Variants in ST3GAL1 observed in about 807,000 individuals in gnomAD.
ST3GAL1 encodes CMP-N-acetylneuraminate-beta-galactosamide-alpha-2,3-sialyltransferase 1.
A neutral mutation model predicts 34.1 loss-of-function variants in ST3GAL1; 16 were observed. That is an observed-to-expected ratio of 0.47 (90% CI 0.32 to 0.71). The LOEUF is 0.71. Ranked by LOEUF, ST3GAL1 falls within the 30% of genes least tolerant of loss-of-function variation. ST3GAL1 has a pLI of 0.04. For missense variants in ST3GAL1, 353 were observed against 447.4 expected (o/e 0.79, Z 1.90); for synonymous variants, 191 against 184.7 (o/e 1.03, Z -0.28).
chr8:133,549,553 A>AAC (rs1469681686), intron 1 of ST3GAL1, among the ~76,000 whole-genome samples: 1 of 152,228 alleles, frequency 6.6e-6, no homozygotes, highest in Non-Finnish European at 1.5e-5. Flanking sequence ...AGCAACGCAT[A>AAC]ACATCTTGAA....
chr8:133,501,188 C>T (rs943852426), intron 2 of ST3GAL1, among the ~76,000 whole-genome samples: 1 of 152,140 alleles, frequency 6.6e-6, no homozygotes, highest in Admixed American at 6.5e-5. Flanking sequence ...TTCAGTGTTG[C>T]CATGGAATCC....
intron 1 of ST3GAL1, among the ~76,000 whole-genome samples, chr8:133,563,254 A>T (rs2131112648): frequency 6.6e-6 from 1 of 152,298 alleles, no homozygotes; most frequent in Non-Finnish European, 1.5e-5. Context: ...ACTTTCCAAA[A>T]GTCACTTGTA....
chr8:133,464,730 C>CCA, intron 7 of ST3GAL1, 48 bp downstream of exon 7: 1 of 1,559,490 alleles, frequency 6.4e-7, no homozygotes, highest in Non-Finnish European at 8.7e-7. Flanking sequence ...GGACAGGGTG[C>CCA]CACTGCAAGG....
intron 1 of ST3GAL1, among the ~76,000 whole-genome samples, chr8:133,562,799 TTCCTTCCTTCC>T (rs1819273761): frequency 8.7e-5 from 1 of 11,516 alleles, no homozygotes; most frequent in Non-Finnish European, 3.5e-4. Context: ...CTTTCTTTCC[TTCCTTCCTTCC>T]TTCCTTCCTT....
rs539099879 is a variant in ST3GAL1 at position 133,539,196 on chromosome 8, G to C, written c.-429+6578C>G. Among the ~76,000 whole-genome samples, 34 of 152,254 alleles carry C rather than the reference G, an allele frequency of 2.2e-4. No individual in the cohort carries two copies. The South Asian group carries it at 2.5e-3, about 11-fold the overall frequency. ...GAAAGTGCCTTCGAAAATCCCAGCAGAACCAAGAAGAACGAAGTTCTTTCG... is the reference window on the plus strand; with the variant it reads ...GAAAGTGCCTTCGAAAATCCCAGCACAACCAAGAAGAACGAAGTTCTTTCG... On this transcript the variant is annotated intron_variant, in intron 2 of 9. Coordinates refer to ENST00000522652, the MANE Select transcript of ST3GAL1 (RefSeq NM_173344.3).
rs527517863 is a variant in ST3GAL1 at position 133,551,564 on chromosome 8, A to C, written c.-581-5638T>G. On this transcript the variant is annotated intron_variant, in intron 1 of 9. Coordinates refer to ENST00000522652, the MANE Select transcript of ST3GAL1 (RefSeq NM_173344.3). ...AAGGAAAGAAAGAAAGAAAGAAAGAAAGAAAGAAAGAAAGAAAGAAAGAAA... is the reference window on the plus strand; with the variant it reads ...AAGGAAAGAAAGAAAGAAAGAAAGACAGAAAGAAAGAAAGAAAGAAAGAAA... Among the ~76,000 whole-genome samples the C allele has an allele frequency of 1.6e-3, 232 of 145,636 alleles. 1 individual carries two copies. The highest frequency in any genetic ancestry group is 5.6e-3 in the African/African-American group (214 of 38,128).
At position 133,457,157 on chromosome 8, in the gene ST3GAL1, T is replaced by G. The variant is rs924724990; in HGVS notation, c.*2607A>C. ...AATGTGGCCTTGATTTTCTCATCAG[T>G]AAAATGGGAAAGCTGGATTTGGAGG... On this transcript the variant is annotated 3_prime_UTR_variant, in exon 10 of 10. Coordinates refer to ENST00000522652, the MANE Select transcript of ST3GAL1 (RefSeq NM_173344.3). 1 of 152,114 alleles carries G rather than the reference T, an allele frequency of 6.6e-6. No homozygotes were observed. The highest frequency in any genetic ancestry group is 1.5e-5 in the Non-Finnish European group (1 of 68,036). The allele number at this position is 152,114 out of a possible 1,614,324, so 9.4% of individuals were successfully genotyped here.
chr8:133,503,458 C>A (rs1043898496), intron 2 of ST3GAL1, among the ~76,000 whole-genome samples: 1 of 152,008 alleles, frequency 6.6e-6, no homozygotes, highest in African/African-American at 2.4e-5. Context: ...ACTGTCTGCT[C>A]CCCCTCCGCC....
At chr8:133,518,686 C>A (rs1188318455) in intron 2 of ST3GAL1, among the ~76,000 whole-genome samples, 1 of 152,178 alleles carries the variant, frequency 6.6e-6, no homozygotes, top group Non-Finnish European at 1.5e-5. Flanking sequence ...TAGTGACAAG[C>A]AAGGACTGCA....
At chr8:133,488,874 G>GC (rs969580769) in intron 3 of ST3GAL1, among the ~76,000 whole-genome samples, 3 of 152,124 alleles carry the variant, frequency 2.0e-5, no homozygotes, top group Admixed American at 6.5e-5. Context: ...AGACAGGGGG[G>GC]GCCAGGCAAG....
At position 133,461,366 on chromosome 8, in the gene ST3GAL1, C is replaced by A. The variant is rs928207185; in HGVS notation, c.849+509G>T. 6.6e-6 allele frequency among the ~76,000 whole-genome samples: 1 copy of A among 152,126 alleles called. No homozygotes were observed. The highest frequency in any genetic ancestry group is 1.5e-5 in the Non-Finnish European group (1 of 68,026). ...AAGTGGAAACCCGAACACAGCCTAG[C>A]GGACAGCGAAGGACATGGGAAGGCA... On this transcript the variant is annotated intron_variant, in intron 9 of 9. Transcript: ENST00000522652. The surrounding 1 kb of genome is among the most constrained non-coding windows in gnomAD (Gnocchi z 4.7).
At chr8:133,547,060 C>G (rs1243081682) in intron 1 of ST3GAL1, among the ~76,000 whole-genome samples, 2 of 151,926 alleles carry the variant, frequency 1.3e-5, no homozygotes, top group Non-Finnish European at 2.9e-5. Flanking sequence ...AAACCCTCAA[C>G]TCTTAACCAC....
intron 3 of ST3GAL1, among the ~76,000 whole-genome samples, chr8:133,476,900 T>TGTAG (rs1426123992): frequency 3.3e-5 from 5 of 152,260 alleles, no homozygotes; most frequent in Non-Finnish European, 7.3e-5. Flanking sequence ...TCGTGATGCA[T>TGTAG]GTAGGTACAA....
chr8:133,552,979 C>T (rs927933157), intron 1 of ST3GAL1, among the ~76,000 whole-genome samples: 1 of 152,038 alleles, frequency 6.6e-6, no homozygotes, highest in South Asian at 2.1e-4. Flanking sequence ...TATAATTTGC[C>T]CAGGGCCACA....
intron 3 of ST3GAL1, among the ~76,000 whole-genome samples, chr8:133,485,421 G>A (rs1168614304): frequency 6.6e-6 from 1 of 152,180 alleles, no homozygotes; most frequent in Non-Finnish European, 1.5e-5. Context: ...TTCGTGGCCT[G>A]TGGGCCTCAA....
chr8:133,485,914 G>T (rs1345810027), intron 3 of ST3GAL1, among the ~76,000 whole-genome samples: 1 of 152,200 alleles, frequency 6.6e-6, no homozygotes, highest in Non-Finnish European at 1.5e-5. Context: ...TAAAGCGGGG[G>T]TTAAAAACCA....
intron 2 of ST3GAL1, among the ~76,000 whole-genome samples, chr8:133,534,167 T>A (rs1207697544): frequency 6.6e-6 from 1 of 152,036 alleles, no homozygotes; most frequent in Non-Finnish European, 1.5e-5. Context: ...AATAAGCAAA[T>A]CATCTCCCCA....
At chr8:133,486,807 C>T (rs971867456) in intron 3 of ST3GAL1, among the ~76,000 whole-genome samples, 3 of 152,220 alleles carry the variant, frequency 2.0e-5, no homozygotes, top group Non-Finnish European at 2.9e-5. Flanking sequence ...CGGAGCACAG[C>T]GTGACTTGGG....
At chr8:133,559,561 A>G (rs1203289976) in intron 1 of ST3GAL1, among the ~76,000 whole-genome samples, 1 of 152,178 alleles carries the variant, frequency 6.6e-6, no homozygotes, top group Non-Finnish European at 1.5e-5. Context: ...TCACAAAGAC[A>G]TTCCTATTCG....
Sources: gnomAD v4.1 joint callset for allele counts (sites outside exome capture counted in the v4.1 genomes callset) on GRCh38, gnomAD v4.1.1 for gene constraint, Gnocchi (gnomAD v3.1) non-coding constraint, MANE v1.5 for transcripts, NCBI Gene and HGNC (gene_info 2026-07-23, HGNC 2026-07-21) for gene names.